Variants in SHISA6 observed in about 807,000 individuals in gnomAD.
The protein encoded by SHISA6 is protein shisa-6.
Under a neutral mutation model 47.9 loss-of-function variants are expected in SHISA6, and 22 were observed. That is an observed-to-expected ratio of 0.46 (90% CI 0.33 to 0.66). SHISA6 has a LOEUF of 0.66. Ranked by LOEUF, SHISA6 falls within the 30% of genes least tolerant of loss-of-function variation. SHISA6 has a pLI of 0.02. For synonymous variants in SHISA6, 388 were observed against 337.8 expected (o/e 1.15, Z -1.63); for missense variants, 680 against 764.6 (o/e 0.89, Z 1.30).
At chr17:11,469,122 G>A (rs555159686) in intron 3 of SHISA6, among the ~76,000 whole-genome samples, 1 of 151,728 alleles carries the variant, frequency 6.6e-6, no homozygotes, top group Non-Finnish European at 1.5e-5. Context: ...AACCCTCTGT[G>A]GTAGCAAAAT....
At chr17:11,552,990 T>C (rs954598733) in intron 4 of SHISA6, among the ~76,000 whole-genome samples, 4 of 152,198 alleles carry the variant, frequency 2.6e-5, no homozygotes, top group African/African-American at 9.6e-5. Flanking sequence ...GAAAGTTCCT[T>C]ACTAACTGAA....
chr17:11,363,201 CT>C (rs35611414), intron 2 of SHISA6, among the ~76,000 whole-genome samples: 135 of 144,328 alleles, frequency 9.4e-4, no homozygotes, highest in African/African-American at 1.9e-3. Flanking sequence ...GGGTACATTT[CT>C]TTTTTTTTTT....
chr17:11,318,918 A>G (rs1249647061), intron 2 of SHISA6, among the ~76,000 whole-genome samples: 2 of 152,134 alleles, frequency 1.3e-5, no homozygotes, highest in Middle Eastern at 3.2e-3. Context: ...AACTATCTGC[A>G]GTGGCTTTTA....
chr17:11,493,523 G>A (rs2071383163), intron 3 of SHISA6, among the ~76,000 whole-genome samples: 1 of 152,158 alleles, frequency 6.6e-6, no homozygotes, highest in Non-Finnish European at 1.5e-5. Flanking sequence ...CACTGTGCCA[G>A]GCCAATAATG....
intron 3 of SHISA6, among the ~76,000 whole-genome samples, chr17:11,500,405 T>G (rs2071441680): frequency 1.3e-5 from 2 of 152,188 alleles, no homozygotes; most frequent in African/African-American, 4.8e-5. Context: ...AAAAGTGCTG[T>G]GCATGGCCTG....
intron 1 of SHISA6, among the ~76,000 whole-genome samples, chr17:11,244,197 T>C (rs1419834006): frequency 6.6e-6 from 1 of 152,154 alleles, no homozygotes; most frequent in East Asian, 1.9e-4. Context: ...TATGCAAATA[T>C]GGGATGTTTC....
At chr17:11,538,544 T>C (rs571121179) in intron 3 of SHISA6, among the ~76,000 whole-genome samples, 6 of 152,194 alleles carry the variant, frequency 3.9e-5, no homozygotes, top group Non-Finnish European at 8.8e-5. Flanking sequence ...GCCTGGACTA[T>C]AGGGCAGCCT....
chr17:11,378,479 T>C (rs1420470727), intron 2 of SHISA6, among the ~76,000 whole-genome samples: 1 of 152,224 alleles, frequency 6.6e-6, no homozygotes, highest in African/African-American at 2.4e-5. Context: ...TACATACGAT[T>C]TTTAATACAC....
At chr17:11,256,014 T>A (rs926913935) in intron 1 of SHISA6, among the ~76,000 whole-genome samples, 5 of 152,202 alleles carry the variant, frequency 3.3e-5, no homozygotes, top group Non-Finnish European at 7.3e-5. Flanking sequence ...GCCTCATTAT[T>A]TTGGTCTTAT....
At chr17:11,306,496 T>G (rs942758517) in intron 2 of SHISA6, among the ~76,000 whole-genome samples, 9 of 152,214 alleles carry the variant, frequency 5.9e-5, no homozygotes, top group African/African-American at 2.2e-4. Context: ...AGCATGCCCT[T>G]GTTTATGGCC....
rs192897619 is a variant in SHISA6 at position 11,284,766 on chromosome 17, T to G, written c.799+21240T>G. On this transcript the variant is annotated intron_variant, in intron 2 of 5. Coordinates refer to ENST00000441885, the MANE Select transcript of SHISA6 (RefSeq NM_207386.4). ...TATTAGACTTCTATAGCACTTTATATTTTCACTGGCATGAATCCTACTTAA... is the reference window on the plus strand; with the variant it reads ...TATTAGACTTCTATAGCACTTTATAGTTTCACTGGCATGAATCCTACTTAA... 1.6e-3 allele frequency among the ~76,000 whole-genome samples: 244 copies of G among 152,348 alleles called. 1 individual carries two copies. The highest frequency in any genetic ancestry group is 5.6e-3 in the African/African-American group (233 of 41,590).
At position 11,277,268 on chromosome 17, in the gene SHISA6, TCTCTCTCTCTCTCACA is replaced by T. The variant is rs772563106; in HGVS notation, c.799+13744_799+13759del. Among the ~76,000 whole-genome samples the T allele has an allele frequency of 3.2e-3, 356 of 110,832 alleles. 7 individuals are homozygous for T. The East Asian group carries it at 0.092, about 29-fold the overall frequency. 72.7% of individuals were successfully genotyped at this position (110,832 alleles called of 152,430 possible). A position where few individuals can be genotyped will look rare whatever the true frequency, so the allele number is the denominator to read the frequency against. ...CTCTCTCTCTCTCTCTCTCTCTCTC[TCTCTCTCTCTCTCACA>T]CACACACACACACACACACACACAC... is the stretch of plus-strand genomic sequence containing the variant. On this transcript the variant is annotated intron_variant, in intron 2 of 5. Coordinates refer to ENST00000441885, the MANE Select transcript of SHISA6 (RefSeq NM_207386.4).
chr17:11,490,347 A>C (rs1188094978), intron 3 of SHISA6, among the ~76,000 whole-genome samples: 2 of 152,286 alleles, frequency 1.3e-5, no homozygotes, highest in East Asian at 3.9e-4. Flanking sequence ...GAGTAAGAGA[A>C]GAGGAAAAAT....
intron 3 of SHISA6, among the ~76,000 whole-genome samples, chr17:11,511,730 A>C (rs964827911): frequency 1.3e-5 from 2 of 152,248 alleles, no homozygotes; most frequent in African/African-American, 4.8e-5. Flanking sequence ...ATTGATTGCA[A>C]ATCAGTAAAC....
chr17:11,320,559 G>A (rs1042183589), intron 2 of SHISA6, among the ~76,000 whole-genome samples: 1 of 152,154 alleles, frequency 6.6e-6, no homozygotes, highest in Non-Finnish European at 1.5e-5. Flanking sequence ...TCAGGAGGCT[G>A]TGGCAGGAGA....
chr17:11,463,769 G>A (rs569006228), intron 3 of SHISA6, among the ~76,000 whole-genome samples: 3 of 152,286 alleles, frequency 2.0e-5, no homozygotes, highest in Non-Finnish European at 1.5e-5. Context: ...CCATTTTCCT[G>A]TTGATGGATA....
At chr17:11,457,999 G>A (rs1487091420) in intron 3 of SHISA6, among the ~76,000 whole-genome samples, 1 of 149,428 alleles carries the variant, frequency 6.7e-6, no homozygotes, top group African/African-American at 2.5e-5. Context: ...GCAGGAGAAT[G>A]GCGTGAACCT....
chr17:11,529,942 C>T (rs1237659324), intron 3 of SHISA6, among the ~76,000 whole-genome samples: 6 of 152,060 alleles, frequency 3.9e-5, no homozygotes, highest in Admixed American at 3.9e-4. Flanking sequence ...TGATTAATTT[C>T]ACTAGTTACT....
intron 3 of SHISA6, among the ~76,000 whole-genome samples, chr17:11,541,208 C>T (rs2071830786): frequency 6.6e-6 from 1 of 152,166 alleles, no homozygotes; most frequent in Non-Finnish European, 1.5e-5. Context: ...CTGGGTGAGG[C>T]GGAGGTCAGG....
Sources: gnomAD v4.1 joint callset for allele counts (sites outside exome capture counted in the v4.1 genomes callset) on GRCh38, gnomAD v4.1.1 for gene constraint, MANE v1.5 for transcripts, NCBI Gene and HGNC (gene_info 2026-07-23, HGNC 2026-07-21) for gene names.